Variants in CLEC9A observed in about 807,000 individuals in gnomAD.
CLEC9A encodes C-type lectin domain family 9 member A.
In CLEC9A, 24 loss-of-function variants were observed where a neutral mutation model predicts 30.0. The observed-to-expected ratio is 0.80, with a 90% confidence interval of 0.58 to 1.13. The LOEUF is 1.13. CLEC9A is among the 50% of genes most tolerant of loss of function. The pLI is 0.00. For synonymous variants in CLEC9A, 111 were observed against 96.8 expected (o/e 1.15, Z -0.86); for missense variants, 251 against 280.9 (o/e 0.89, Z 0.76).
At chr12:10,037,909 G>T (rs1029099210) in intron 1 of CLEC9A, among the ~76,000 whole-genome samples, 4 of 152,116 alleles carry the variant, frequency 2.6e-5, no homozygotes, top group Non-Finnish European at 5.9e-5. Flanking sequence ...AAGAACGTGG[G>T]CTGGTGTGTA....
At chr12:10,051,169 C>T (rs1326809559) in intron 2 of CLEC9A, among the ~76,000 whole-genome samples, 1 of 150,628 alleles carries the variant, frequency 6.6e-6, no homozygotes, top group East Asian at 1.9e-4. Context: ...AGGGCCACAG[C>T]ACTCCAGCCT....
intron 3 of CLEC9A, 63 bp downstream of exon 3, chr12:10,052,157 T>C (rs1422475832): frequency 6.6e-6 from 1 of 152,514 alleles, no homozygotes; most frequent in African/African-American, 2.4e-5. Context: ...TCACAGTAAG[T>C]AGCATTACAC....
chr12:10,063,334 G>A, intron 7 of CLEC9A, 128 bp downstream of exon 7: 1 of 909,076 alleles, frequency 1.1e-6, no homozygotes, highest in Non-Finnish European at 1.5e-6. Context: ...AAAAATAAAG[G>A]TTTAAAAGAA....
chr12:10,048,654 C>T (rs755558289), intron 2 of CLEC9A, among the ~76,000 whole-genome samples: 1 of 152,192 alleles, frequency 6.6e-6, no homozygotes, highest in Admixed American at 6.5e-5. Flanking sequence ...GGAAGCAGCT[C>T]CTCATCTGTT....
intron 1 of CLEC9A, among the ~76,000 whole-genome samples, chr12:10,037,064 A>C (rs1865750169): frequency 1.3e-5 from 2 of 152,334 alleles, no homozygotes; most frequent in South Asian, 2.1e-4. Flanking sequence ...AACACTTCTA[A>C]GAGTAAACAT....
At chr12:10,046,038 C>CA (rs752156829) in intron 2 of CLEC9A, among the ~76,000 whole-genome samples, 1 of 152,006 alleles carries the variant, frequency 6.6e-6, no homozygotes, top group Non-Finnish European at 1.5e-5. Flanking sequence ...CGTGACGTAA[C>CA]AAAAAGAATA....
chr12:10,036,477 A>G (rs1247980732), intron 1 of CLEC9A, among the ~76,000 whole-genome samples: 1 of 152,252 alleles, frequency 6.6e-6, no homozygotes, highest in Non-Finnish European at 1.5e-5. Flanking sequence ...TAAAGGTGGT[A>G]AGAAGTCTGT....
rs961284764 is a variant in CLEC9A, at chr12:10,030,726, G to T, written c.-564G>T. The T allele has an allele frequency of 2.0e-5, 3 of 152,234 alleles. No homozygotes were observed. Among genetic ancestry groups the T allele is most frequent in the Admixed American group, 6.5e-5 (1 of 15,284 alleles). 9.4% of individuals were successfully genotyped at this position (152,234 alleles called of 1,614,324 possible). A position where few individuals can be genotyped will look rare whatever the true frequency, so the allele number is the denominator to read the frequency against. On this transcript the variant is annotated 5_prime_UTR_variant, in exon 1 of 9. Coordinates refer to ENST00000355819, the MANE Select transcript of CLEC9A (RefSeq NM_207345.4). ...TGTGGTGAAGTTGAAATGCTTTTCT[G>T]CTAGACTGGCAACATGTTTTGATTC... is the stretch of plus-strand genomic sequence containing the variant.
At chr12:10,054,208 C>A in intron 4 of CLEC9A, 63 bp from the exon 5 acceptor site, 1 of 1,288,032 alleles carries the variant, frequency 7.8e-7, no homozygotes, top group Non-Finnish European at 1.1e-6. Flanking sequence ...TCAATCTATC[C>A]TTGCCCCGTC....
chr12:10,064,921 C>T (rs1866030349), intron 8 of CLEC9A, 68 bp downstream of exon 8: 1 of 1,528,430 alleles, frequency 6.5e-7, no homozygotes, highest in Non-Finnish European at 8.8e-7. Context: ...TTTATTTCAC[C>T]TTGTACCATG....
chr12:10,061,363 C>A, intron 6 of CLEC9A, 90 bp downstream of exon 6: 3 of 1,306,600 alleles, frequency 2.3e-6, no homozygotes, highest in South Asian at 1.6e-5. Context: ...TTGTTCTCTG[C>A]AAAACTGTTA....
intron 6 of CLEC9A, among the ~76,000 whole-genome samples, chr12:10,061,889 G>A (rs758369685): frequency 4.1e-4 from 63 of 152,166 alleles, no homozygotes; most frequent in Non-Finnish European, 6.3e-4. Flanking sequence ...ATAGTTTAGA[G>A]AATTAACTTT....
chr12:10,038,899 T>C (rs573918605), intron 1 of CLEC9A, among the ~76,000 whole-genome samples: 9 of 152,348 alleles, frequency 5.9e-5, no homozygotes, highest in South Asian at 4.1e-4. Flanking sequence ...ATATTTCAGC[T>C]TGGAGAGGTA....
intron 2 of CLEC9A, among the ~76,000 whole-genome samples, chr12:10,046,779 G>A (rs566048731): frequency 6.6e-6 from 1 of 152,282 alleles, no homozygotes; most frequent in African/African-American, 2.4e-5. Flanking sequence ...CAAGCACCAT[G>A]ACATAATTCT....
At chr12:10,037,286 C>A (rs937428806) in intron 1 of CLEC9A, among the ~76,000 whole-genome samples, 8 of 152,300 alleles carry the variant, frequency 5.3e-5, no homozygotes, top group African/African-American at 1.7e-4. Flanking sequence ...AGGGCGGGCT[C>A]ACTGAGCGCT....
intron 1 of CLEC9A, among the ~76,000 whole-genome samples, chr12:10,038,012 A>AAC (rs1412526152): frequency 6.6e-6 from 1 of 152,238 alleles, no homozygotes; most frequent in Non-Finnish European, 1.5e-5. Context: ...TTTTGGCTAA[A>AAC]ACAAAAGTTT....
chr12:10,059,572 G>T (rs192723368), intron 5 of CLEC9A, among the ~76,000 whole-genome samples: 3 of 152,176 alleles, frequency 2.0e-5, no homozygotes, highest in South Asian at 2.1e-4. Context: ...AAGTTGGATG[G>T]ACCTCATCAA....
intron 2 of CLEC9A, among the ~76,000 whole-genome samples, chr12:10,047,150 C>T (rs944590585): frequency 2.6e-5 from 4 of 152,154 alleles, no homozygotes; most frequent in African/African-American, 9.7e-5. Flanking sequence ...CTTGCTACTT[C>T]AAATGTCTAC....
intron 1 of CLEC9A, among the ~76,000 whole-genome samples, chr12:10,035,170 T>C (rs1023822008): frequency 2.0e-5 from 3 of 152,202 alleles, no homozygotes; most frequent in Non-Finnish European, 4.4e-5. Flanking sequence ...TCTTGTTCCA[T>C]TGATGACTAC....
Sources: gnomAD v4.1 joint callset for allele counts (sites outside exome capture counted in the v4.1 genomes callset) on GRCh38, gnomAD v4.1.1 for gene constraint, MANE v1.5 for transcripts, NCBI Gene and HGNC (gene_info 2026-07-23, HGNC 2026-07-21) for gene names.